The following MARCHF1 variants were observed in gnomAD, a reference collection of about 807,000 sequenced individuals.
MARCHF1 encodes membrane associated ring-CH-type finger 1.
In MARCHF1, 40 loss-of-function variants were observed where a neutral mutation model predicts 54.2. That is an observed-to-expected ratio of 0.74 (90% CI 0.57 to 0.96). The LOEUF (loss-of-function observed/expected upper bound fraction) is 0.96, where lower values mean the gene tolerates loss of function less well. MARCHF1 is among the 40% of genes least tolerant of loss of function. The pLI is 0.00. For missense variants in MARCHF1, 586 were observed against 656.5 expected, an observed-to-expected ratio of 0.89 and a Z score of 1.17; for synonymous variants, 236 against 236.3, an observed-to-expected ratio of 1.00 and a Z score of 0.01.
At chr4:163,928,106 T>A (rs1751577411) in intron 3 of MARCHF1, among the ~76,000 whole-genome samples, 1 of 151,926 alleles carries the variant, frequency 6.6e-6, no homozygotes, top group African/African-American at 2.4e-5. Context: ...TGAGAAATTC[T>A]CTATGTAATT....
At chr4:163,874,702 AT>A (rs1750251806) in intron 3 of MARCHF1, among the ~76,000 whole-genome samples, 1 of 152,138 alleles carries the variant, frequency 6.6e-6, no homozygotes, top group South Asian at 2.1e-4. Context: ...ATCATTGGAA[AT>A]TTTGTTCATT....
At chr4:163,590,057 G>GGTGTGTGTGT (rs34885496) in intron 7 of MARCHF1, among the ~76,000 whole-genome samples, 8 of 146,168 alleles carry the variant, frequency 5.5e-5, no homozygotes, top group African/African-American at 1.5e-4. Flanking sequence ...TTTAGATTTT[G>GGTGTGTGTGT]GTGTGTGTGT....
chr4:163,582,493 C>T (rs750061203), intron 8 of MARCHF1, among the ~76,000 whole-genome samples: 1 of 152,052 alleles, frequency 6.6e-6, no homozygotes, highest in Non-Finnish European at 1.5e-5. Context: ...ACCATTAAGC[C>T]CCAAGGTTTG....
intron 3 of MARCHF1, among the ~76,000 whole-genome samples, chr4:163,863,272 T>C (rs966373014): frequency 2.6e-5 from 4 of 152,040 alleles, no homozygotes; most frequent in Admixed American, 1.3e-4. Flanking sequence ...TGAGGGAAAA[T>C]GTGCTGACCT....
chr4:164,193,300 A>G (rs1225436779), intron 1 of MARCHF1, among the ~76,000 whole-genome samples: 4 of 151,886 alleles, frequency 2.6e-5, no homozygotes, highest in Admixed American at 6.6e-5. Context: ...AAGCATGACT[A>G]TTCTTCTGCT....
At chr4:164,036,470 A>G (rs895211070) in intron 2 of MARCHF1, among the ~76,000 whole-genome samples, 1 of 152,190 alleles carries the variant, frequency 6.6e-6, no homozygotes, top group Non-Finnish European at 1.5e-5. Context: ...GTCTGAAAAT[A>G]TATTAAATAT....
At chr4:163,758,725 G>A (rs1185578359) in intron 4 of MARCHF1, among the ~76,000 whole-genome samples, 1 of 152,182 alleles carries the variant, frequency 6.6e-6, no homozygotes, top group African/African-American at 2.4e-5. Flanking sequence ...TTGACACCTT[G>A]AAAGATACAC....
intron 2 of MARCHF1, among the ~76,000 whole-genome samples, chr4:164,014,248 G>A (rs1042265604): frequency 6.6e-6 from 1 of 151,534 alleles, no homozygotes; most frequent in East Asian, 1.9e-4. Context: ...AGGACAGGGT[G>A]GAATAAAAAA....
intron 1 of MARCHF1, among the ~76,000 whole-genome samples, chr4:164,178,311 T>A (rs1430979): frequency 0.15 from 22,158 of 152,024 alleles, 2,189 homozygotes; most frequent in African/African-American, 0.26. Flanking sequence ...CCTTGATACA[T>A]CCAGAGTAGA....
intron 5 of MARCHF1, among the ~76,000 whole-genome samples, chr4:163,617,021 A>C (rs1171220351): frequency 2.0e-5 from 3 of 152,188 alleles, no homozygotes; most frequent in Non-Finnish European, 4.4e-5. Context: ...TCATCAGCAG[A>C]TGAATGGATA....
intron 2 of MARCHF1, among the ~76,000 whole-genome samples, chr4:164,069,718 G>A (rs1048594497): frequency 1.3e-5 from 2 of 152,284 alleles, no homozygotes; most frequent in Admixed American, 1.3e-4. Context: ...CATTCTTGAA[G>A]TCAGTGAGAC....
At chr4:163,684,201 A>C (rs1030411252) in intron 5 of MARCHF1, among the ~76,000 whole-genome samples, 1 of 152,198 alleles carries the variant, frequency 6.6e-6, no homozygotes, top group African/African-American at 2.4e-5. Context: ...AGAAGGGAAC[A>C]TAGGGCCCTC....
intron 5 of MARCHF1, among the ~76,000 whole-genome samples, chr4:163,619,643 TTGCATC>T (rs1361379834): frequency 1.3e-5 from 2 of 152,126 alleles, no homozygotes; most frequent in East Asian, 3.9e-4. Flanking sequence ...ACAGACAAAT[TTGCATC>T]TCTAGTTAGT....
chr4:164,085,305 T>C (rs138138164), intron 2 of MARCHF1, among the ~76,000 whole-genome samples: 2 of 151,922 alleles, frequency 1.3e-5, no homozygotes, highest in South Asian at 2.1e-4. Context: ...ACCAAAAATA[T>C]TAGTTTTATG....
At position 163,700,879 on chromosome 4, in the gene MARCHF1, G is replaced by T; in HGVS notation, c.112-16C>A. The T allele has an allele frequency of 6.6e-7, 1 of 1,525,038 alleles. No homozygotes were observed. Among genetic ancestry groups the T allele is most frequent in the Non-Finnish European group, 8.8e-7 (1 of 1,136,424 alleles). The allele number at this position is 1,525,038 out of a possible 1,614,324, so 94.5% of individuals were successfully genotyped here. ...ATTTTTCATTCTGAAAAATAAAATGGGAAACATTAATTAAAAGAAGGTATG... is the reference window on the plus strand; with the variant it reads ...ATTTTTCATTCTGAAAAATAAAATGTGAAACATTAATTAAAAGAAGGTATG... On this transcript the variant is annotated splice_polypyrimidine_tract_variant and intron_variant, in intron 4 of 9. Coordinates refer to ENST00000514618, the MANE Select transcript of MARCHF1 (RefSeq NM_001394959.1).
chr4:163,899,850 TG>T (rs1431891152), intron 3 of MARCHF1, among the ~76,000 whole-genome samples: 1 of 151,614 alleles, frequency 6.6e-6, no homozygotes, highest in Non-Finnish European at 1.5e-5. Context: ...AAGTGGGTTT[TG>T]CAGTACTCCA....
chr4:163,722,293 T>C (rs1423217320), intron 4 of MARCHF1, among the ~76,000 whole-genome samples: 4 of 152,148 alleles, frequency 2.6e-5, no homozygotes, highest in Non-Finnish European at 4.4e-5. Flanking sequence ...ATGTACCCAG[T>C]AGTCATTCAG....
At chr4:163,586,969 T>C (rs1360113192) in intron 7 of MARCHF1, among the ~76,000 whole-genome samples, 1 of 151,938 alleles carries the variant, frequency 6.6e-6, no homozygotes, top group Admixed American at 6.5e-5. Flanking sequence ...ATAATCATCA[T>C]TGTCTAAAAA....
At chr4:163,596,008 G>A (rs190362539) in intron 7 of MARCHF1, among the ~76,000 whole-genome samples, 49 of 151,786 alleles carry the variant, frequency 3.2e-4, no homozygotes, top group Admixed American at 8.6e-4. Flanking sequence ...AGAAAGAAAA[G>A]GGAGAACAGG....
Sources: gnomAD v4.1 joint callset for allele counts (sites outside exome capture counted in the v4.1 genomes callset) on GRCh38, gnomAD v4.1.1 for gene constraint, MANE v1.5 for transcripts, NCBI Gene and HGNC (gene_info 2026-07-23, HGNC 2026-07-21) for gene names.